DHX57: variants seen among roughly 807,000 people sequenced by gnomAD.
DHX57 encodes DExH-box helicase 57, also known as putative ATP-dependent RNA helicase DHX57.
Under a neutral mutation model 156.2 loss-of-function variants are expected in DHX57, and 105 were observed. The ratio of observed to expected loss-of-function variants is 0.67; its 90% CI spans 0.57 to 0.79. DHX57 has a LOEUF of 0.79. DHX57 is among the 30% of genes least tolerant of loss of function. The pLI is 0.00. For missense variants in DHX57, 1,847 were observed against 1,661.9 expected (o/e 1.11, Z -1.94); for synonymous variants, 704 against 595.6 (o/e 1.18, Z -2.65).
chr2:38,824,669 TAG>T (rs1671002428), intron 16 of DHX57, among the ~76,000 whole-genome samples: 1 of 152,160 alleles, frequency 6.6e-6, no homozygotes, highest in Non-Finnish European at 1.5e-5. Context: ...TGGGGGGGTA[TAG>T]AGTTTCATTC....
At chr2:38,814,728 G>C in intron 20 of DHX57, among the ~76,000 whole-genome samples, 1 of 149,526 alleles carries the variant, frequency 6.7e-6, no homozygotes, top group African/African-American at 2.5e-5. Flanking sequence ...AGAAAACCCT[G>C]TTTTTTTTTT....
chr2:38,803,019 A>C lies in DHX57; in HGVS notation c.3817-104T>G, dbSNP rs1016446478. 7 of 1,240,138 alleles carry C rather than the reference A, an allele frequency of 5.6e-6. No homozygotes were observed. In the African/African-American group the frequency reaches 1.0e-4, roughly 19 times the overall value. 76.8% of individuals were successfully genotyped at this position (1,240,138 alleles called of 1,614,324 possible). ...AAATACTGCCTATTAATGACTCCCCAAATTTATCTATAGCCCGTGACTTTC... is the reference window on the plus strand; with the variant it reads ...AAATACTGCCTATTAATGACTCCCCCAATTTATCTATAGCCCGTGACTTTC... On this transcript the variant is annotated intron_variant, in intron 22 of 23. Coordinates refer to ENST00000457308, the MANE Select transcript of DHX57 (RefSeq NM_198963.3).
intron 16 of DHX57, among the ~76,000 whole-genome samples, chr2:38,824,491 G>C (rs1670992089): frequency 1.3e-5 from 2 of 152,156 alleles, no homozygotes; most frequent in Admixed American, 6.5e-5. Context: ...TTTGCTAAGA[G>C]GGTAGATCTC....
At chr2:38,814,912 G>A (rs540296890) in intron 20 of DHX57, among the ~76,000 whole-genome samples, 2 of 151,908 alleles carry the variant, frequency 1.3e-5, no homozygotes, top group Non-Finnish European at 2.9e-5. Flanking sequence ...AGTAAAGACA[G>A]GGTTTCTCCA....
Position 38,862,291 on chromosome 2 carries a change from G to C in DHX57, c.426C>G (p.Cys142Trp). The part of the protein sequence containing the change: ...SGEEEDDEPD[C>W]CNDERYWPAG... Reference sequence around the variant, plus strand: ...CTGGCCAGTACCGCTCATCGTTACAGCAATCAGGCTCATCATCTTCCTCCT... The same window carrying C: ...CTGGCCAGTACCGCTCATCGTTACACCAATCAGGCTCATCATCTTCCTCCT... The change falls in exon 4 of 24, where the codon TGC (cysteine) becomes TGG (tryptophan). Residue 142 changes from cysteine (C) to tryptophan (W), a missense_variant. Transcript: ENST00000457308. 6.2e-7 allele frequency: 1 copy of C among 1,606,656 alleles called. No homozygotes were observed. Among genetic ancestry groups the C allele is most frequent in the Non-Finnish European group, 8.5e-7 (1 of 1,175,136 alleles).
chr2:38,858,789 C>G lies in DHX57; in HGVS notation c.1459G>C (p.Ala487Pro), dbSNP rs1328720888. The G allele has an allele frequency of 1.2e-6, 2 of 1,613,520 alleles. No individual in the cohort carries two copies. The highest frequency in any genetic ancestry group is 2.2e-5 in the South Asian group (2 of 90,882). The part of the protein sequence containing the change: ...SEESDEDDGP[A>P]PVIVENESYV... ...CTTTCATTCTCTACTATAACAGGTG[C>G]AGGACCGTCATCCTCATCTGACTCC... is the stretch of plus-strand genomic sequence containing the variant. Residue 487 changes from alanine to proline, a missense_variant, in exon 6 of 24, where the codon GCA becomes CCA. Ala to Pro is a conservative substitution (Grantham distance 27). Transcript: ENST00000457308.
rs145484689 is a variant in DHX57 at position 38,875,367 on chromosome 2, A to G, written c.-7+420T>C. Among the ~76,000 whole-genome samples, 83 of 152,250 alleles carry G rather than the reference A, an allele frequency of 5.5e-4. 1 individual carries two copies. The highest frequency in any genetic ancestry group is 3.4e-3 in the Admixed American group (52 of 15,280). ...AGGCAGATCTCTGACTGATCACAAT[A>G]TATCCAGCTCCATCCAGATATCCAG... is the stretch of plus-strand genomic sequence containing the variant. On this transcript the variant is annotated intron_variant, in intron 1 of 23. Coordinates refer to ENST00000457308, the MANE Select transcript of DHX57 (RefSeq NM_198963.3).
At chr2:38,848,448 C>A (rs1490959890) in intron 9 of DHX57, 46 bp from the exon 10 acceptor site, 4 of 1,530,438 alleles carry the variant, frequency 2.6e-6, no homozygotes, top group South Asian at 1.3e-5. Flanking sequence ...AAATTCAACA[C>A]ATGAAAATTA....
intron 7 of DHX57, 76 bp downstream of exon 7, chr2:38,856,264 T>C (rs1250089082): frequency 5.2e-6 from 8 of 1,532,324 alleles, no homozygotes; most frequent in Non-Finnish European, 6.1e-6. Flanking sequence ...TTTTAACAAG[T>C]TCAACTGGTT....
intron 14 of DHX57, 135 bp downstream of exon 14, chr2:38,828,205 G>T: frequency 1.8e-6 from 1 of 558,366 alleles, no homozygotes; most frequent in Admixed American, 3.9e-5. Context: ...GCAGCAAATA[G>T]GTTTGCTCAT....
intron 19 of DHX57, among the ~76,000 whole-genome samples, chr2:38,816,837 T>G (rs1670569605): frequency 6.6e-6 from 1 of 152,164 alleles, no homozygotes; most frequent in Non-Finnish European, 1.5e-5. Context: ...AAGTTGAAGT[T>G]TAGTGAAAAG....
intron 2 of DHX57, among the ~76,000 whole-genome samples, chr2:38,865,929 C>T (rs1665045698): frequency 6.6e-6 from 1 of 152,154 alleles, no homozygotes. Context: ...CTACAAAGCA[C>T]ACCCAGTCAA....
intron 11 of DHX57, among the ~76,000 whole-genome samples, chr2:38,844,079 C>G (rs1434212185): frequency 6.6e-6 from 1 of 152,142 alleles, no homozygotes; most frequent in African/African-American, 2.4e-5. Context: ...TTCTATAATC[C>G]TGACTTCCTC....
In DHX57 at chr2:38,815,576, T is replaced by G. The variant is rs150735204; in HGVS notation, c.3551A>C (p.Glu1184Ala). ...GFAREGLRAR[E>A]IEKRAQGGDG... The stretch of plus-strand genomic sequence containing the variant: ...TCCTCCTTGGGCCCTTTTCTCAATT[T>G]CCCTTGCTCTGAGCCCTTCCCTTGC... The change falls in exon 20 of 24, where the codon GAA becomes GCA. Residue 1184 changes from glutamate (E) to alanine (A), a missense_variant. Physicochemically the swap from Glu to Ala is moderately radical, Grantham distance 107. Coordinates refer to ENST00000457308, the MANE Select transcript of DHX57 (RefSeq NM_198963.3). The G allele has an allele frequency of 6.4e-3, 10,409 of 1,614,084 alleles. 35 individuals are homozygous for G. The highest frequency in any genetic ancestry group is 7.9e-3 in the Non-Finnish European group (9,372 of 1,180,034).
At chr2:38,833,328 A>C (rs1671477915) in intron 13 of DHX57, among the ~76,000 whole-genome samples, 1 of 151,844 alleles carries the variant, frequency 6.6e-6, no homozygotes, top group South Asian at 2.1e-4. Flanking sequence ...TTTTTAGTAG[A>C]GATGGTGTTT....
chr2:38,800,886 G>A (rs539469760), intron 23 of DHX57, among the ~76,000 whole-genome samples: 1 of 152,266 alleles, frequency 6.6e-6, no homozygotes, highest in South Asian at 2.1e-4. Context: ...AGCCCAAACT[G>A]AGATGTGCTG....
intron 2 of DHX57, among the ~76,000 whole-genome samples, chr2:38,863,916 G>T (rs1407000341): frequency 6.6e-6 from 1 of 152,036 alleles, no homozygotes; most frequent in Non-Finnish European, 1.5e-5. Context: ...AGGAGGCTGA[G>T]GCAGGAGAAT....
At chr2:38,873,206 G>C (rs1257752443) in intron 1 of DHX57, among the ~76,000 whole-genome samples, 1 of 152,126 alleles carries the variant, frequency 6.6e-6, no homozygotes, top group Non-Finnish European at 1.5e-5. Context: ...GGTCAGGCTG[G>C]TCTCGAATTC....
intron 23 of DHX57, among the ~76,000 whole-genome samples, chr2:38,800,957 T>G (rs1335381970): frequency 2.6e-5 from 4 of 152,224 alleles, no homozygotes; most frequent in Non-Finnish European, 5.9e-5. Flanking sequence ...GTAAACTATC[T>G]TAATAATTTT....
Sources: allele counts gnomAD v4.1 joint callset (sites outside exome capture counted in the v4.1 genomes callset), GRCh38; gene constraint gnomAD v4.1.1; transcripts MANE v1.5; gene names NCBI Gene and HGNC (gene_info 2026-07-23, HGNC 2026-07-21).